The following CFAP74 variants were observed in gnomAD, a reference collection of about 807,000 sequenced individuals.
The protein encoded by CFAP74 is cilia- and flagella-associated protein 74.
CFAP74 carries 124 observed loss-of-function variants against 188.9 expected under a neutral mutation model. That is an observed-to-expected ratio of 0.66 (90% CI 0.57 to 0.76). The LOEUF is 0.76. Among genes scored for constraint, CFAP74 ranks in the 30% least tolerant of loss-of-function variants. CFAP74 has a pLI of 0.00. For synonymous variants in CFAP74, 956 were observed against 916.7 expected, an observed-to-expected ratio of 1.04 and a Z score of -0.77; for missense variants, 2,198 against 2,165.2, an observed-to-expected ratio of 1.02 and a Z score of -0.30.
rs550787630 is a variant in CFAP74 at position 1,926,759 on chromosome 1, G to T, written c.3665C>A (p.Pro1222His). 1 of 1,549,954 alleles carries T rather than the reference G, an allele frequency of 6.5e-7. No homozygotes were observed. Among genetic ancestry groups the T allele is most frequent in the African/African-American group, 1.4e-5 (1 of 73,012 alleles). The change falls in exon 30 of 39, where the codon CCC becomes CAC. Residue 1222 changes from proline (P) to histidine (H), a missense_variant and splice_region_variant. By Grantham distance (77) the Pro-to-His change is moderately conservative. Transcript: ENST00000682832. ...CAGCTCCAGGTACAGGGTGTTGTGG[G>T]GGCTGGGATAGGAAGGGCATGCTGA... is the stretch of plus-strand genomic sequence containing the variant. ...RKGSEPLSFSPHNTLYLELWC... is the reference protein window; with the variant it reads ...RKGSEPLSFSHHNTLYLELWC...
Position 1,925,297 on chromosome 1 carries a change from T to C in CFAP74, c.4104+486A>G, listed in dbSNP as rs1222324870. ...GAGGGCACACGCTGGTGCAAAGGCA[T>C]GAGGGCACACGCTGGTGTGAAGGCA... On this transcript the variant is annotated intron_variant, in intron 33 of 38. Transcript: ENST00000682832. 1.5e-4 allele frequency among the ~76,000 whole-genome samples: 21 copies of C among 141,306 alleles called. 1 individual carries two copies. The highest frequency in any genetic ancestry group is 5.4e-4 in the African/African-American group (19 of 35,146). The allele number at this position is 141,306 out of a possible 152,430, so 92.7% of individuals were successfully genotyped here. A position where few individuals can be genotyped will look rare whatever the true frequency, so the allele number is the denominator to read the frequency against.
At chr1:1,954,290 C>T (rs1038456478) in intron 18 of CFAP74, 7 of 152,248 alleles carry the variant, frequency 4.6e-5, no homozygotes, top group African/African-American at 1.7e-4. Flanking sequence ...TCTGGGCTGT[C>T]CAGTAGGGCA....
chr1:1,940,027 G>A (rs1378038690), intron 23 of CFAP74, among the ~76,000 whole-genome samples: 1 of 152,246 alleles, frequency 6.6e-6, no homozygotes, highest in Non-Finnish European at 1.5e-5. Flanking sequence ...GCACACATGG[G>A]CGCATAGACG....
intron 18 of CFAP74, among the ~76,000 whole-genome samples, chr1:1,948,920 CCT>C (rs1653984436): frequency 7.3e-6 from 1 of 137,802 alleles, no homozygotes; most frequent in African/African-American, 2.6e-5. Context: ...CCTTCCCTTT[CCT>C]TCCTTCCTCT....
At chr1:2,000,963 G>A (rs1658175936) in intron 1 of CFAP74, among the ~76,000 whole-genome samples, 1 of 152,168 alleles carries the variant, frequency 6.6e-6, no homozygotes, top group African/African-American at 2.4e-5. Flanking sequence ...TCCCTTCACT[G>A]TCACAGTAGG....
chr1:1,927,758 G>A lies in CFAP74; in HGVS notation c.3388-12C>T. On this transcript the variant is annotated splice_polypyrimidine_tract_variant and intron_variant, in intron 27 of 38. Coordinates refer to ENST00000682832, the MANE Select transcript of CFAP74 (RefSeq NM_001304360.2). ...ATATTCTTTCGGAACTGTGGGGGGAGCGACTGGCTGTGGGGCTGTGCAGGG... is the reference window on the plus strand; with the variant it reads ...ATATTCTTTCGGAACTGTGGGGGGAACGACTGGCTGTGGGGCTGTGCAGGG... The A allele has an allele frequency of 6.5e-7, 1 of 1,548,636 alleles. No homozygotes were observed. The highest frequency in any genetic ancestry group is 1.2e-5 in the South Asian group (1 of 83,876).
chr1:1,977,954 C>T (rs980205526), intron 6 of CFAP74, among the ~76,000 whole-genome samples: 14 of 152,328 alleles, frequency 9.2e-5, no homozygotes, highest in African/African-American at 3.4e-4. Context: ...ATCAATCCTC[C>T]CACCTCAGCC....
At position 1,922,349 on chromosome 1, in the gene CFAP74, T is replaced by C; in HGVS notation, c.4858A>G (p.Arg1620Gly). The C allele has an allele frequency of 6.2e-7, 1 of 1,602,948 alleles. No homozygotes were observed. The highest frequency in any genetic ancestry group is 1.1e-5 in the South Asian group (1 of 89,628). ...PLMVSALLQLRGDVKETYKVI... is the reference protein window; with the variant it reads ...PLMVSALLQLGGDVKETYKVI... The stretch of plus-strand genomic sequence containing the variant: ...TTGTAGGTCTCCTTCACATCCCCCC[T>C]TAGCTGCAGCAGGGCCGACACCATG... The change falls in exon 39 of 39, where the codon AGG (arginine) becomes GGG (glycine). Residue 1620 changes from arginine (R) to glycine (G), a missense_variant. By Grantham distance (125) the Arg-to-Gly change is moderately radical. Transcript: ENST00000682832.
At chr1:1,924,797 C>G (rs1651730262) in intron 33 of CFAP74, among the ~76,000 whole-genome samples, 1 of 152,206 alleles carries the variant, frequency 6.6e-6, no homozygotes. Context: ...GCGCCTGAGT[C>G]TCGCTCAGGC....
intron 25 of CFAP74, among the ~76,000 whole-genome samples, chr1:1,936,407 G>A (rs1652900556): frequency 6.6e-6 from 1 of 151,494 alleles, no homozygotes; most frequent in South Asian, 2.1e-4. Context: ...AGCTGGGCGT[G>A]GTGGTGCACA....
intron 2 of CFAP74, among the ~76,000 whole-genome samples, chr1:1,990,460 G>A (rs1177845942): frequency 6.6e-6 from 1 of 151,338 alleles, no homozygotes; most frequent in East Asian, 1.9e-4. Context: ...AAAACGGGGT[G>A]GGGAGTGGGG....
At chr1:1,934,936 T>TATGTAATGAAA (rs1296253274) in intron 25 of CFAP74, among the ~76,000 whole-genome samples, 5,967 of 94,166 alleles carry the variant, frequency 0.063, 1,407 homozygotes, top group East Asian at 0.081. Context: ...GGTACACAGG[T>TATGTAATGAAA]GTGTACGTGG....
At position 1,968,731 on chromosome 1, in the gene CFAP74, G is replaced by A; in HGVS notation, c.1149C>T (p.Thr383=). The A allele has an allele frequency of 1.2e-6, 2 of 1,614,100 alleles. No individual in the cohort carries two copies. The highest frequency in any genetic ancestry group is 1.7e-6 in the Non-Finnish European group (2 of 1,179,970). ...TCAGGGTCAGCCGGTGCCTGGCACT[G>A]GTGGGGGGATGCTGTTTCTTCCTCT... ...EEKRKKQHPP[T]SARHRLTLRD... Residue 383 remains threonine (T), a synonymous_variant, in exon 11 of 39, where the codon ACC becomes ACT. Transcript: ENST00000682832. This position sits in a 1 kb window ranked among gnomAD's most constrained non-coding sequence, Gnocchi z 4.3.
In CFAP74 at chr1:1,973,311, T is replaced by C. The variant is rs1656217795; in HGVS notation, c.675-264A>G. On this transcript the variant is annotated intron_variant, in intron 7 of 38. Transcript: ENST00000682832. This position sits in a 1 kb window ranked among gnomAD's most constrained non-coding sequence, Gnocchi z 6.2. ...AGGTTTGATCCCAGCTGGGCAGGGG[T>C]CTGGGAAGAGGACGGTGCAGGCACA... Among the ~76,000 whole-genome samples, 1 of 151,704 alleles carries C rather than the reference T, an allele frequency of 6.6e-6. No homozygotes were observed. Among genetic ancestry groups the C allele is most frequent in the Non-Finnish European group, 1.5e-5 (1 of 67,934 alleles).
chr1:1,960,873 C>T (rs918517325), intron 14 of CFAP74, among the ~76,000 whole-genome samples: 3 of 152,136 alleles, frequency 2.0e-5, no homozygotes, highest in African/African-American at 7.2e-5. Flanking sequence ...GGCCGAGCTC[C>T]AAACCCTTCA....
intron 1 of CFAP74, among the ~76,000 whole-genome samples, chr1:1,993,898 C>CT (rs1558068568): frequency 6.7e-6 from 1 of 150,302 alleles, no homozygotes; most frequent in Non-Finnish European, 1.5e-5. Flanking sequence ...AGGAGAATGG[C>CT]GTGAACCCGG....
chr1:1,927,145 G>A (rs1049410061), intron 28 of CFAP74, 117 bp from the exon 29 acceptor site: 19 of 1,230,022 alleles, frequency 1.5e-5, no homozygotes, highest in Middle Eastern at 2.2e-4. Flanking sequence ...AGCTGTGGCT[G>A]TCCCAGTTGT....
intron 9 of CFAP74, among the ~76,000 whole-genome samples, chr1:1,971,265 A>C (rs962803090): frequency 6.8e-6 from 1 of 147,802 alleles, no homozygotes; most frequent in Non-Finnish European, 1.5e-5. Context: ...GCATGCACAC[A>C]CATGCAAACC....
In CFAP74 at chr1:2,003,715, G is replaced by C. The variant is rs541346001; in HGVS notation, c.-34C>G. 1 of 152,452 alleles carries C rather than the reference G, an allele frequency of 6.6e-6. No individual in the cohort carries two copies. Among genetic ancestry groups the C allele is most frequent in the East Asian group, 1.9e-4 (1 of 5,182 alleles). 9.4% of individuals were successfully genotyped at this position (152,452 alleles called of 1,614,324 possible). On this transcript the variant is annotated 5_prime_UTR_variant, in exon 1 of 39. Coordinates refer to ENST00000682832, the MANE Select transcript of CFAP74 (RefSeq NM_001304360.2). ...CCCACACCCACCTCTGGCTGGCCTG[G>C]GTCCCAGGTTCTCGGGCTCCGGAGG... is the stretch of plus-strand genomic sequence containing the variant.
Sources: allele counts gnomAD v4.1 joint callset (sites outside exome capture counted in the v4.1 genomes callset), GRCh38; gene constraint gnomAD v4.1.1; non-coding constraint Gnocchi (gnomAD v3.1); transcripts MANE v1.5; gene names NCBI Gene and HGNC (gene_info 2026-07-23, HGNC 2026-07-21).